Variants in KCNK3 observed in about 807,000 individuals in gnomAD.
KCNK3 encodes potassium two pore domain channel subfamily K member 3, also known as potassium channel subfamily K member 3.
A neutral mutation model predicts 27.3 loss-of-function variants in KCNK3; 9 were observed. The observed-to-expected ratio is 0.33, with a 90% confidence interval of 0.20 to 0.57. The LOEUF (loss-of-function observed/expected upper bound fraction) is 0.57, where lower values mean the gene tolerates loss of function less well. Among genes scored for constraint, KCNK3 ranks in the 20% least tolerant of loss-of-function variants. The pLI is 0.87. For synonymous variants in KCNK3, 278 were observed against 273.8 expected (o/e 1.02, Z -0.15); for missense variants, 391 against 577.7 (o/e 0.68, Z 3.31).
At chr2:26,714,886 A>AAAATAAAT (rs56401258) in intron 1 of KCNK3, among the ~76,000 whole-genome samples, 28,459 of 145,680 alleles carry the variant, frequency 0.2, 3,267 homozygotes, top group East Asian at 0.29. Flanking sequence ...ACTCCATCTC[A>AAAATAAAT]AAATAAATAA....
At chr2:26,709,455 G>T (rs983492542) in intron 1 of KCNK3, among the ~76,000 whole-genome samples, 4 of 152,156 alleles carry the variant, frequency 2.6e-5, no homozygotes, top group Non-Finnish European at 5.9e-5. Flanking sequence ...AGGCCAGGGG[G>T]AGTGTTTCCA....
At chr2:26,696,576 G>A (rs1335735892) in intron 1 of KCNK3, among the ~76,000 whole-genome samples, 1 of 152,196 alleles carries the variant, frequency 6.6e-6, no homozygotes, top group African/African-American at 2.4e-5. Context: ...TGGCTGGAAG[G>A]ATTCCTCCAG....
chr2:26,707,095 T>C (rs575107327), intron 1 of KCNK3, among the ~76,000 whole-genome samples: 1 of 152,252 alleles, frequency 6.6e-6, no homozygotes, highest in South Asian at 2.1e-4. Context: ...GTCCCAAGAA[T>C]AGAGTTCTGT....
intron 1 of KCNK3, among the ~76,000 whole-genome samples, chr2:26,711,872 G>A (rs1417225112): frequency 1.3e-5 from 2 of 152,178 alleles, no homozygotes; most frequent in Admixed American, 6.5e-5. Flanking sequence ...GGGGCTGGGG[G>A]GAGGGAGCAG....
At chr2:26,709,928 C>T (rs1275923) in intron 1 of KCNK3, among the ~76,000 whole-genome samples, 72,878 of 152,152 alleles carry the variant, frequency 0.48, 19,983 homozygotes, top group Admixed American at 0.65. Context: ...ACCCTGCCGC[C>T]GCCTTCCACA....
rs1274048667 is a variant in KCNK3 at position 26,693,073 on chromosome 2, G to A, written c.198G>A (p.Val66=). 6.2e-7 allele frequency: 1 copy of A among 1,604,028 alleles called. No individual in the cohort carries two copies. ...QGGYEELERV[V]LRLKPHKAGV... is the part of the protein sequence containing the mutation. ...GCTACGAGGAGCTGGAGCGCGTCGTGCTGCGCCTCAAGCCGCACAAGGCCG... is the reference window on the plus strand; with the variant it reads ...GCTACGAGGAGCTGGAGCGCGTCGTACTGCGCCTCAAGCCGCACAAGGCCG... Residue 66 remains valine, a synonymous_variant, in exon 1 of 2, where the codon GTG becomes GTA. Coordinates refer to ENST00000302909, the MANE Select transcript of KCNK3 (RefSeq NM_002246.3). The surrounding 1 kb of genome is among the most constrained non-coding windows in gnomAD (Gnocchi z 5.5).
intron 1 of KCNK3, among the ~76,000 whole-genome samples, chr2:26,708,500 C>A (rs1424282363): frequency 3.3e-5 from 5 of 152,008 alleles, no homozygotes; most frequent in African/African-American, 9.7e-5. Context: ...ATGGTGAAAC[C>A]CTGTCTCTAC....
At position 26,693,959 on chromosome 2, in the gene KCNK3, G is replaced by GCACA. The variant is rs144535989; in HGVS notation, c.283+818_283+821dup. 4.6e-5 allele frequency among the ~76,000 whole-genome samples: 7 copies of GCACA among 151,160 alleles called. No homozygotes were observed. Among genetic ancestry groups the GCACA allele is most frequent in the Admixed American group, 1.3e-4 (2 of 15,218 alleles). On this transcript the variant is annotated intron_variant, in intron 1 of 1. Coordinates refer to ENST00000302909, the MANE Select transcript of KCNK3 (RefSeq NM_002246.3). The surrounding 1 kb of genome is among the most constrained non-coding windows in gnomAD (Gnocchi z 5.5). ...CACTCACAGGGTACACACAGGGCGG[G>GCACA]CACACACACACACACACACAGAGAG...
At chr2:26,724,893 G>T (rs1298570022) in intron 1 of KCNK3, among the ~76,000 whole-genome samples, 1 of 152,146 alleles carries the variant, frequency 6.6e-6, no homozygotes, top group African/African-American at 2.4e-5. Flanking sequence ...GCACTGTGGA[G>T]AGGAGGGGCC....
At chr2:26,723,992 C>A (rs970251899) in intron 1 of KCNK3, among the ~76,000 whole-genome samples, 1 of 152,220 alleles carries the variant, frequency 6.6e-6, no homozygotes, top group Non-Finnish European at 1.5e-5. Flanking sequence ...TAGAGAACAC[C>A]TTTTGCCCCC....
chr2:26,705,218 CA>C, intron 1 of KCNK3, among the ~76,000 whole-genome samples: 1 of 152,256 alleles, frequency 6.6e-6, no homozygotes, highest in Non-Finnish European at 1.5e-5. Flanking sequence ...CTCGGCCTCC[CA>C]AAGTTCTGGA....
intron 1 of KCNK3, among the ~76,000 whole-genome samples, chr2:26,706,299 C>A (rs774540880): frequency 3.3e-5 from 5 of 152,068 alleles, no homozygotes; most frequent in Non-Finnish European, 5.9e-5. Context: ...CCCTCCCCCC[C>A]AGAGGAGGAG....
At chr2:26,696,561 T>C (rs11694327) in intron 1 of KCNK3, among the ~76,000 whole-genome samples, 29,836 of 152,174 alleles carry the variant, frequency 0.2, 4,046 homozygotes, top group East Asian at 0.69. Context: ...AGTCACCGTC[T>C]CCACTGGCTG....
At chr2:26,699,251 AAGCC>A (rs1553384432) in intron 1 of KCNK3, among the ~76,000 whole-genome samples, 9 of 134,250 alleles carry the variant, frequency 6.7e-5, no homozygotes, top group Non-Finnish European at 7.7e-5. Context: ...GAAAGAAAGA[AAGCC>A]AGCCAAGGAG....
chr2:26,692,894 C>G lies in KCNK3; in HGVS notation c.19C>G (p.Arg7Gly). 1 of 1,422,056 alleles carries G rather than the reference C, an allele frequency of 7.0e-7. No individual in the cohort carries two copies. The highest frequency in any genetic ancestry group is 9.3e-7 in the Non-Finnish European group (1 of 1,079,142). 88.1% of individuals were successfully genotyped at this position (1,422,056 alleles called of 1,614,324 possible). A position where few individuals can be genotyped will look rare whatever the true frequency, so the allele number is the denominator to read the frequency against. MKRQNV[R>G]TLALIVCTFT... is the part of the protein sequence containing the mutation. ...CGGGACGATGAAGCGGCAGAACGTG[C>G]GCACGCTGGCGCTCATCGTGTGCAC... Residue 7 changes from arginine to glycine, a missense_variant, in exon 1 of 2, where the codon CGC (arginine) becomes GGC (glycine). By Grantham distance (125) the Arg-to-Gly change is moderately radical. This residue lies in a region of KCNK3 where 158 missense variants were observed against 267.7 expected (regional missense o/e 0.59). Coordinates refer to ENST00000302909, the MANE Select transcript of KCNK3 (RefSeq NM_002246.3). This position sits in a 1 kb window ranked among gnomAD's most constrained non-coding sequence, Gnocchi z 5.6.
chr2:26,699,250 A>AAAGAAAGAAAGC (rs35378015), intron 1 of KCNK3, among the ~76,000 whole-genome samples: 2,680 of 142,610 alleles, frequency 0.019, 61 homozygotes, highest in African/African-American at 0.056. Context: ...AGAAAGAAAG[A>AAAGAAAGAAAGC]AAGCCAGCCA....
rs1388188812 is a variant in KCNK3 at position 26,693,912 on chromosome 2, C to T, written c.283+754C>T. Among the ~76,000 whole-genome samples the T allele has an allele frequency of 6.6e-6, 1 of 152,102 alleles. No homozygotes were observed. The highest frequency in any genetic ancestry group is 1.5e-5 in the Non-Finnish European group (1 of 68,022). The stretch of plus-strand genomic sequence containing the variant: ...GTCAGACAACACAGGCATAGGCACA[C>T]ATGCACACAGATACACACAGGCACT... On this transcript the variant is annotated intron_variant, in intron 1 of 1. Transcript: ENST00000302909. The surrounding 1 kb of genome is among the most constrained non-coding windows in gnomAD (Gnocchi z 5.5).
intron 1 of KCNK3, among the ~76,000 whole-genome samples, chr2:26,707,078 G>C (rs1224166446): frequency 6.6e-6 from 1 of 152,150 alleles, no homozygotes; most frequent in African/African-American, 2.4e-5. Flanking sequence ...GACTTCCTCT[G>C]TGTCTAGTCC....
rs778266080 is a variant in KCNK3 at position 26,732,909 on chromosome 2, G to A, written c.*4341G>A. The A allele has an allele frequency of 3.3e-5, 5 of 152,220 alleles. No individual in the cohort carries two copies. Among genetic ancestry groups the A allele is most frequent in the Non-Finnish European group, 7.3e-5 (5 of 68,050 alleles). The allele number at this position is 152,220 out of a possible 1,614,324, so 9.4% of individuals were successfully genotyped here. ...CAGACCTGGGAGAAGTCCCCTAAGG[G>A]GCTGCATTTATCCCCATCTCCCTAG... On this transcript the variant is annotated 3_prime_UTR_variant, in exon 2 of 2. Transcript: ENST00000302909.
Sources: allele counts gnomAD v4.1 joint callset (sites outside exome capture counted in the v4.1 genomes callset), GRCh38; gene constraint gnomAD v4.1.1; regional missense constraint gnomAD v4.1.1; non-coding constraint Gnocchi (gnomAD v3.1); transcripts MANE v1.5; gene names NCBI Gene and HGNC (gene_info 2026-07-23, HGNC 2026-07-21).